Variants in GRIK4 observed in about 807,000 individuals in gnomAD.
GRIK4 encodes the protein glutamate ionotropic receptor kainate type subunit 4.
A neutral mutation model predicts 104.9 loss-of-function variants in GRIK4; 40 were observed. The ratio of observed to expected loss-of-function variants is 0.38; its 90% CI spans 0.30 to 0.50. The LOEUF is 0.50. GRIK4 is among the 20% of genes least tolerant of loss of function. The pLI, the probability that GRIK4 is intolerant of heterozygous loss-of-function variation, is 0.93. For missense variants in GRIK4, 1,047 were observed against 1,308.1 expected (o/e 0.80, Z 3.08); for synonymous variants, 485 against 524.9 (o/e 0.92, Z 1.04).
intron 16 of GRIK4, among the ~76,000 whole-genome samples, chr11:120,959,391 A>T (rs1944238205): frequency 6.6e-6 from 1 of 151,914 alleles, no homozygotes; most frequent in African/African-American, 2.4e-5. Flanking sequence ...CAAAAGGGGC[A>T]ATGGGACCTG....
intron 1 of GRIK4, among the ~76,000 whole-genome samples, chr11:120,578,774 G>A (rs373860794): frequency 5.3e-5 from 8 of 152,286 alleles, no homozygotes; most frequent in East Asian, 3.9e-4. Flanking sequence ...CGCCCCGCCC[G>A]GCCCCTGGTT....
At chr11:120,865,409 T>G (rs1165202584) in intron 9 of GRIK4, among the ~76,000 whole-genome samples, 1 of 152,256 alleles carries the variant, frequency 6.6e-6, no homozygotes, top group Non-Finnish European at 1.5e-5. Context: ...GAGCAGCTTG[T>G]CTAAGCTGGC....
intron 1 of GRIK4, among the ~76,000 whole-genome samples, chr11:120,544,349 G>A (rs186949983): frequency 6.7e-6 from 1 of 149,288 alleles, no homozygotes; most frequent in African/African-American, 2.5e-5. Context: ...TTTTTTTTTT[G>A]AGATGGAGTC....
intron 3 of GRIK4, among the ~76,000 whole-genome samples, chr11:120,775,630 A>G (rs1952028567): frequency 6.6e-6 from 1 of 152,244 alleles, no homozygotes. Context: ...CAGCGATGAG[A>G]TTTTTACAAA....
chr11:120,528,643 A>G (rs1947888733), intron 1 of GRIK4, among the ~76,000 whole-genome samples: 1 of 152,184 alleles, frequency 6.6e-6, no homozygotes, highest in Non-Finnish European at 1.5e-5. Flanking sequence ...GTGGCTGGGG[A>G]GGCCTCACAA....
At chr11:120,877,108 G>T (rs1954842751) in intron 11 of GRIK4, among the ~76,000 whole-genome samples, 1 of 152,238 alleles carries the variant, frequency 6.6e-6, no homozygotes, top group Non-Finnish European at 1.5e-5. Context: ...TCCTGCTGCT[G>T]ACTCTCAGAA....
chr11:120,894,326 C>G lies in GRIK4; in HGVS notation c.1165-4206C>G, dbSNP rs149831686. 9.2e-5 allele frequency: 14 copies of G among 152,292 alleles called. No homozygotes were observed. In the East Asian group the frequency reaches 2.7e-3, roughly 29 times the overall value. The allele number at this position is 152,292 out of a possible 1,614,324, so 9.4% of individuals were successfully genotyped here. ...GGATTCGGTAACTTACCCAAGTTCA[C>G]GTAGCTCATCAGCAGAGAAGCCGGG... On this transcript the variant is annotated intron_variant, in intron 11 of 20. Coordinates refer to ENST00000527524, the MANE Select transcript of GRIK4 (RefSeq NM_014619.5).
At chr11:120,793,173 G>T (rs947627721) in intron 3 of GRIK4, among the ~76,000 whole-genome samples, 1 of 152,186 alleles carries the variant, frequency 6.6e-6, no homozygotes, top group Non-Finnish European at 1.5e-5. Flanking sequence ...GACTTGGCAG[G>T]TGCAGTTTGG....
At chr11:120,984,820 CTT>C (rs569201252) in intron 20 of GRIK4, among the ~76,000 whole-genome samples, 37,334 of 115,300 alleles carry the variant, frequency 0.32, 5,383 homozygotes, top group Admixed American at 0.4. Flanking sequence ...CATCTATATT[CTT>C]TTTTTTTTTT....
chr11:120,721,524 GAGCA>G (rs1329739477), intron 3 of GRIK4, among the ~76,000 whole-genome samples: 1 of 152,172 alleles, frequency 6.6e-6, no homozygotes, highest in Non-Finnish European at 1.5e-5. Flanking sequence ...GATCACTCAG[GAGCA>G]AGCAAGAACC....
intron 1 of GRIK4, among the ~76,000 whole-genome samples, chr11:120,551,543 G>A (rs1445328671): frequency 6.6e-6 from 1 of 152,194 alleles, no homozygotes; most frequent in African/African-American, 2.4e-5. Context: ...CACTTTGGGA[G>A]GCTGAGGTGG....
intron 1 of GRIK4, among the ~76,000 whole-genome samples, chr11:120,604,292 G>A (rs898081904): frequency 1.3e-5 from 2 of 152,192 alleles, no homozygotes; most frequent in Admixed American, 1.3e-4. Context: ...AGATGCCAGA[G>A]GTGCCGAGGT....
chr11:120,885,894 C>T (rs531073287), intron 11 of GRIK4, among the ~76,000 whole-genome samples: 72 of 152,262 alleles, frequency 4.7e-4, no homozygotes, highest in African/African-American at 1.5e-3. Context: ...CTATTATTTT[C>T]GCCGTCACTG....
intron 4 of GRIK4, among the ~76,000 whole-genome samples, chr11:120,814,588 G>A (rs1378152950): frequency 7.2e-5 from 11 of 152,112 alleles, no homozygotes; most frequent in African/African-American, 2.7e-4. Flanking sequence ...GACAGGGTGC[G>A]ACTCCATCTC....
intron 3 of GRIK4, among the ~76,000 whole-genome samples, chr11:120,663,042 G>T (rs1279291143): frequency 6.6e-6 from 1 of 152,188 alleles, no homozygotes; most frequent in Non-Finnish European, 1.5e-5. Context: ...ATGGCTGTGA[G>T]GCTGGCTGCA....
intron 13 of GRIK4, among the ~76,000 whole-genome samples, chr11:120,923,011 C>G (rs1943256164): frequency 6.6e-6 from 1 of 152,210 alleles, no homozygotes; most frequent in Non-Finnish European, 1.5e-5. Context: ...CTATCCAGAT[C>G]CAGGAGACAC....
intron 17 of GRIK4, 85 bp from the exon 18 acceptor site, chr11:120,962,369 CTT>C: frequency 1.2e-6 from 1 of 846,706 alleles, no homozygotes; most frequent in Non-Finnish European, 1.9e-6. Context: ...GGGCCGGCAT[CTT>C]AAGGTGCACT....
At position 120,903,695 on chromosome 11, in the gene GRIK4, T is replaced by C. The variant is rs1204720662; in HGVS notation, c.1273-1595T>C. ...GGTGGGCCCCTGGGACCCCCAGCCC[T>C]GCTGTTTGCGGTGGGGAAGGAGCTT... is the stretch of plus-strand genomic sequence containing the variant. On this transcript the variant is annotated intron_variant, in intron 12 of 20. Transcript: ENST00000527524. The surrounding 1 kb of genome is among the most constrained non-coding windows in gnomAD (Gnocchi z 4.4). Among the ~76,000 whole-genome samples the C allele has an allele frequency of 1.3e-5, 2 of 152,186 alleles. No individual in the cohort carries two copies. Among genetic ancestry groups the C allele is most frequent in the East Asian group, 3.9e-4 (2 of 5,184 alleles).
intron 3 of GRIK4, among the ~76,000 whole-genome samples, chr11:120,712,778 T>C (rs1006476960): frequency 4.6e-5 from 7 of 152,196 alleles, no homozygotes; most frequent in African/African-American, 1.7e-4. Flanking sequence ...GAAGGAAGAC[T>C]CCAGATTCTT....
Sources: allele counts gnomAD v4.1 joint callset (sites outside exome capture counted in the v4.1 genomes callset), GRCh38; gene constraint gnomAD v4.1.1; non-coding constraint Gnocchi (gnomAD v3.1); transcripts MANE v1.5; gene names NCBI Gene and HGNC (gene_info 2026-07-23, HGNC 2026-07-21).